COL1A1: variants seen among roughly 807,000 people sequenced by gnomAD.
COL1A1 encodes collagen alpha-1(I) chain.
Under a neutral mutation model 195.7 loss-of-function variants are expected in COL1A1, and 21 were observed. The observed-to-expected ratio is 0.11, with a 90% CI of 0.08 to 0.15. COL1A1 has a LOEUF of 0.15. COL1A1 is among the 10% of genes least tolerant of loss of function. COL1A1 has a pLI of 1.00. For synonymous variants in COL1A1, 749 were observed against 747.3 expected (o/e 1.00, Z -0.04); for missense variants, 1,365 against 2,051.0 (o/e 0.67, Z 6.46).
Position 50,190,388 on chromosome 17 carries a change from A to G in COL1A1, c.2398-8T>C, listed in dbSNP as rs764030812. 1 of 1,611,952 alleles carries G rather than the reference A, an allele frequency of 6.2e-7. No individual in the cohort carries two copies. The highest frequency in any genetic ancestry group is 1.1e-5 in the South Asian group (1 of 91,022). ...AGGCTCACCACGGTCTCCCTAGAAG[A>G]AAAGGAGTCAGATTGGAGAGATGCG... On this transcript the variant is annotated splice_polypyrimidine_tract_variant and splice_region_variant and intron_variant, in intron 34 of 50. Coordinates refer to ENST00000225964, the MANE Select transcript of COL1A1 (RefSeq NM_000088.4). The surrounding 1 kb of genome is among the most constrained non-coding windows in gnomAD (Gnocchi z 4.7).
rs757911214 is a variant in COL1A1 at position 50,185,578 on chromosome 17, A to G, written c.4319T>C (p.Ile1440Thr). Residue 1440 changes from isoleucine (I) to threonine (T), a missense_variant, in exon 51 of 51, where the codon ATC (isoleucine) becomes ACC (threonine). Physicochemically the swap from Ile to Thr is moderately conservative, Grantham distance 89. Transcript: ENST00000225964. Reference protein sequence around the residue: ...KTTKTSRLPIIDVAPLDVGAP... With the variant: ...KTTKTSRLPITDVAPLDVGAP... Reference sequence around the variant, plus strand: ...ACCAACGTCCAAGGGGGCCACATCGATGATGGGCAGGCGGGAGGTCTTGGT... The same window carrying G: ...ACCAACGTCCAAGGGGGCCACATCGGTGATGGGCAGGCGGGAGGTCTTGGT... The G allele has an allele frequency of 1.9e-6, 3 of 1,613,478 alleles. No homozygotes were observed. In the Admixed American group the frequency reaches 5.0e-5, roughly 27 times the overall value.
Position 50,190,475 on chromosome 17 carries a change from G to T in COL1A1, c.2397+68C>A, listed in dbSNP as rs2144554953. 1.4e-5 allele frequency: 22 copies of T among 1,598,182 alleles called. No homozygotes were observed. Among genetic ancestry groups the T allele is most frequent in the Non-Finnish European group, 1.9e-5 (22 of 1,165,534 alleles). ...AGGCAAGGGGTGAAGGCACAGACAG[G>T]GCCAGGGGTGCTGTGTGAAGGGAGG... is the stretch of plus-strand genomic sequence containing the variant. On this transcript the variant is annotated intron_variant, in intron 34 of 50. Coordinates refer to ENST00000225964, the MANE Select transcript of COL1A1 (RefSeq NM_000088.4). This position sits in a 1 kb window ranked among gnomAD's most constrained non-coding sequence, Gnocchi z 4.7.
chr17:50,190,334 C>T lies in COL1A1; in HGVS notation c.2444G>A (p.Gly815Asp). The change falls in exon 35 of 51, where the codon GGC becomes GAC. Residue 815 changes from glycine (G) to aspartate (D), a missense_variant. By Grantham distance (94) the Gly-to-Asp change is moderately conservative. Coordinates refer to ENST00000225964, the MANE Select transcript of COL1A1 (RefSeq NM_000088.4). The surrounding 1 kb of genome is among the most constrained non-coding windows in gnomAD (Gnocchi z 4.7). ...GGGGGTCTTGGTACTCACAGGGGGG[C>T]CAGCAAAGCCAGCAGGGCCGGGGGG... ...PGPPGPAGFA[G>D]PPGADGQPGA... 1 of 1,601,594 alleles carries T rather than the reference C, an allele frequency of 6.2e-7. No individual in the cohort carries two copies.
chr17:50,190,786 A>G lies in COL1A1; in HGVS notation c.2343+31T>C. The G allele has an allele frequency of 1.3e-6, 2 of 1,581,224 alleles. No homozygotes were observed. The highest frequency in any genetic ancestry group is 1.7e-6 in the Non-Finnish European group (2 of 1,150,640). ...AGGCCTGCTGAGGAGGCTATGTGTTAGGGCAGAAGGTGGGGAGGCGGCCAC... is the reference window on the plus strand; with the variant it reads ...AGGCCTGCTGAGGAGGCTATGTGTTGGGGCAGAAGGTGGGGAGGCGGCCAC... On this transcript the variant is annotated intron_variant, in intron 33 of 50. Transcript: ENST00000225964. The surrounding 1 kb of genome is among the most constrained non-coding windows in gnomAD (Gnocchi z 4.7).
Position 50,186,425 on chromosome 17 carries a change from G to A in COL1A1, c.3897C>T (p.Cys1299=), listed in dbSNP as rs34940368. 1.0e-3 allele frequency: 1,607 copies of A among 1,614,176 alleles called. 16 individuals are homozygous for A. In the African/African-American group the frequency reaches 0.018, roughly 18 times the overall value. The stretch of plus-strand genomic sequence containing the variant: ...CCACACTGGGCTGAGTGGGGTACAC[G>A]CAGGTCTCACCAGTCTCCATGTTGC... ...VFCNMETGET[C]VYPTQPSVAQ... Residue 1299 remains cysteine, a synonymous_variant, in exon 49 of 51, where the codon TGC becomes TGT. Transcript: ENST00000225964. This position sits in a 1 kb window ranked among gnomAD's most constrained non-coding sequence, Gnocchi z 5.3.
At position 50,194,541 on chromosome 17, in the gene COL1A1, G is replaced by A. The variant is rs773552128; in HGVS notation, c.1515+32C>T. On this transcript the variant is annotated intron_variant, in intron 22 of 50. Transcript: ENST00000225964. The surrounding 1 kb of genome is among the most constrained non-coding windows in gnomAD (Gnocchi z 6.8). ...GGAAGAAGATGCCCAGGGAGCGGCA[G>A]GGTCAGCCCCCCGGCCGCAAGGAGA... 6.2e-7 allele frequency: 1 copy of A among 1,608,460 alleles called. No homozygotes were observed. The highest frequency in any genetic ancestry group is 8.5e-7 in the Non-Finnish European group (1 of 1,177,446).
rs370390175 is a variant in COL1A1, at chr17:50,187,416, C to T, written c.3423+68G>A. 113 of 1,562,604 alleles carry T rather than the reference C, an allele frequency of 7.2e-5. No individual in the cohort carries two copies. In the African/African-American group the frequency reaches 1.4e-3, roughly 20 times the overall value. ...AGAGAGGCAAAGGGTGCCTGGGTCC[C>T]TGGCAAGGGTCCCCGAGGTGAGCCT... On this transcript the variant is annotated intron_variant, in intron 46 of 50. Transcript: ENST00000225964.
chr17:50,199,463 T>A lies in COL1A1; in HGVS notation c.334-10A>T. 1 of 1,614,034 alleles carries A rather than the reference T, an allele frequency of 6.2e-7. No individual in the cohort carries two copies. The highest frequency in any genetic ancestry group is 8.5e-7 in the Non-Finnish European group (1 of 1,179,964). ...TGTCTCCCTTGGGTCCCTGTGGGAT[T>A]GGGGGAGAAGAAACAAGAGGCCAGG... On this transcript the variant is annotated splice_polypyrimidine_tract_variant and intron_variant, in intron 3 of 50. Transcript: ENST00000225964.
intron 29 of COL1A1, 82 bp downstream of exon 29, chr17:50,192,393 C>T: frequency 6.9e-7 from 1 of 1,453,540 alleles, no homozygotes; most frequent in Non-Finnish European, 9.4e-7. Flanking sequence ...TAGTTGATGG[C>T]TGTCTGATTA....
Position 50,188,748 on chromosome 17 carries a change from G to A in COL1A1, c.3093C>T (p.Gly1031=), listed in dbSNP as rs753135498. ...TGGAGTGTTGCCATCTTACCTTGGC[G>A]CCAGGAGAACCGTCTCGTCCAGGGG... The part of the protein sequence containing the change: ...EGSPGRDGSP[G]AKGDRGETGP... Residue 1031 remains glycine, a synonymous_variant, in exon 42 of 51, where the codon GGC becomes GGT. Coordinates refer to ENST00000225964, the MANE Select transcript of COL1A1 (RefSeq NM_000088.4). The surrounding 1 kb of genome is among the most constrained non-coding windows in gnomAD (Gnocchi z 5.6). 37 of 1,613,944 alleles carry A rather than the reference G, an allele frequency of 2.3e-5. No individual in the cohort carries two copies. Among genetic ancestry groups the A allele is most frequent in the Admixed American group, 3.3e-5 (2 of 59,990 alleles).
rs1907520323 is a variant in COL1A1, at chr17:50,195,682, G to C, written c.1057-17C>G. On this transcript the variant is annotated splice_polypyrimidine_tract_variant and intron_variant, in intron 16 of 50. Transcript: ENST00000225964. This position sits in a 1 kb window ranked among gnomAD's most constrained non-coding sequence, Gnocchi z 4.3. ...AGCTTCACCCTGAATCAGAAGAAAG[G>C]ACATATCAGAAGCCACCCTGGGAAA... is the stretch of plus-strand genomic sequence containing the variant. 1 of 1,612,340 alleles carries C rather than the reference G, an allele frequency of 6.2e-7. No homozygotes were observed. The highest frequency in any genetic ancestry group is 8.5e-7 in the Non-Finnish European group (1 of 1,179,008).
intron 1 of COL1A1, chr17:50,200,233 C>A: frequency 1.6e-4 from 69 of 438,370 alleles, no homozygotes; most frequent in Middle Eastern, 7.0e-4. Flanking sequence ...GCGCTGAAGC[C>A]AAGTGAAATA....
intron 8 of COL1A1, 55 bp downstream of exon 8, chr17:50,197,894 T>C (rs1048530434): frequency 5.6e-6 from 9 of 1,597,120 alleles, no homozygotes; most frequent in African/African-American, 1.3e-5. Context: ...AGTTCTTCTA[T>C]AGGAGAGTCT....
At chr17:50,199,200 T>G (rs41317349) in intron 5 of COL1A1, 26 bp downstream of exon 5, 1 of 1,433,722 alleles carries the variant, frequency 7.0e-7, no homozygotes, top group Non-Finnish European at 9.2e-7. Context: ...CAGGGGAGAG[T>G]GGACACACAA....
chr17:50,200,261 G>A (rs1766311902), intron 1 of COL1A1: 1 of 429,900 alleles, frequency 2.3e-6, no homozygotes. Flanking sequence ...CAGGGTGAGA[G>A]GGGGAGGGCG....
intron 45 of COL1A1, 50 bp from the exon 46 acceptor site, chr17:50,187,587 A>G: frequency 6.3e-7 from 1 of 1,596,572 alleles, no homozygotes; most frequent in Non-Finnish European, 8.6e-7. Flanking sequence ...CGTCAAATGT[A>G]GCCTGAGGGC....
Position 50,188,409 on chromosome 17 carries a change from T to C in COL1A1, c.3207+121A>G. On this transcript the variant is annotated intron_variant, in intron 43 of 50. Coordinates refer to ENST00000225964, the MANE Select transcript of COL1A1 (RefSeq NM_000088.4). The surrounding 1 kb of genome is among the most constrained non-coding windows in gnomAD (Gnocchi z 5.6). ...TTTTTGGATTAAGGCCCTGACATCTTGCAGGATCTCCTTTCCTCCCCCTGC... is the reference window on the plus strand; with the variant it reads ...TTTTTGGATTAAGGCCCTGACATCTCGCAGGATCTCCTTTCCTCCCCCTGC... The C allele has an allele frequency of 9.3e-7, 1 of 1,073,458 alleles. No homozygotes were observed. Among genetic ancestry groups the C allele is most frequent in the Non-Finnish European group, 1.4e-6 (1 of 703,512 alleles). 66.5% of individuals were successfully genotyped at this position (1,073,458 alleles called of 1,614,324 possible).
Position 50,188,098 on chromosome 17 carries a change from C to G in COL1A1, c.3259G>C (p.Ala1087Pro), listed in dbSNP as rs754017100. The change falls in exon 44 of 51, where the codon GCC becomes CCC. Residue 1087 changes from alanine to proline, a missense_variant and splice_region_variant. This residue lies in a region of COL1A1 where 671 missense variants were observed against 1,099.9 expected (regional missense o/e 0.61). Coordinates refer to ENST00000225964, the MANE Select transcript of COL1A1 (RefSeq NM_000088.4). This position sits in a 1 kb window ranked among gnomAD's most constrained non-coding sequence, Gnocchi z 5.6. The stretch of plus-strand genomic sequence containing the variant: ...GGGGGACACAGCAGGGTACTTACGG[C>G]GGGGCCACGGGCGCCAACAGGGCCG... The part of the protein sequence containing the change: ...PVGPVGARGP[A>P]GPQGPRGDKG... 6.3e-7 allele frequency: 1 copy of G among 1,596,270 alleles called. No individual in the cohort carries two copies. Among genetic ancestry groups the G allele is most frequent in the African/African-American group, 1.3e-5 (1 of 74,454 alleles).
Position 50,195,047 on chromosome 17 carries a change from A to G in COL1A1, c.1353T>C (p.Pro451=), listed in dbSNP as rs753764601. Residue 451 remains proline, a splice_region_variant and synonymous_variant, in exon 20 of 51, where the codon CCT becomes CCC. Coordinates refer to ENST00000225964, the MANE Select transcript of COL1A1 (RefSeq NM_000088.4). This position sits in a 1 kb window ranked among gnomAD's most constrained non-coding sequence, Gnocchi z 4.3. The part of the protein sequence containing the change: ...SKGDTGAKGE[P]GPVGVQGPPG... ...CAAGAAGGATGGCGGGGAGACTTAC[A>G]GGCTCTCCCTTAGCACCAGTGTCTC... The G allele has an allele frequency of 4.3e-6, 7 of 1,613,296 alleles. No individual in the cohort carries two copies. The East Asian group carries it at 1.1e-4, about 26-fold the overall frequency.
Sources: gnomAD v4.1 joint callset for allele counts on GRCh38, gnomAD v4.1.1 for gene constraint, gnomAD v4.1.1 regional missense constraint, Gnocchi (gnomAD v3.1) non-coding constraint, MANE v1.5 for transcripts, NCBI Gene and HGNC (gene_info 2026-07-23, HGNC 2026-07-21) for gene names.